Variants in SPATA6 observed in about 807,000 individuals in gnomAD.
The protein encoded by SPATA6 is spermatogenesis-associated protein 6.
SPATA6 carries 56 observed loss-of-function variants against 65.3 expected under a neutral mutation model. The ratio of observed to expected loss-of-function variants is 0.86; its 90% CI spans 0.69 to 1.07. The LOEUF (loss-of-function observed/expected upper bound fraction) is 1.07, where lower values mean the gene tolerates loss of function less well. SPATA6 is among the 50% of genes least tolerant of loss of function. The pLI, the probability that SPATA6 is intolerant of heterozygous loss-of-function variation, is 0.00. For missense variants in SPATA6, 590 were observed against 594.8 expected (o/e 0.99, Z 0.08); for synonymous variants, 199 against 213.2 (o/e 0.93, Z 0.58).
the SPATA6 span, among the ~76,000 whole-genome samples, chr1:48,286,668 G>T: frequency 6.6e-6 from 1 of 152,026 alleles, no homozygotes; most frequent in Non-Finnish European, 1.5e-5. Flanking sequence ...TTCTGGCTAG[G>T]TAATATAGTT....
At chr1:48,283,718 A>AAAGAAAGAAAGAAAGAAAGAAAGAAAGG in the SPATA6 span, among the ~76,000 whole-genome samples, 5 of 137,970 alleles carry the variant, frequency 3.6e-5, no homozygotes, top group African/African-American at 1.6e-4. Context: ...AGAAAGAAAG[A>AAAGAAAGAAAGAAAGAAAGAAAGAAAGG]AAGAAAATTC....
chr1:48,401,274 A>G (rs1651133671), intron 6 of SPATA6, among the ~76,000 whole-genome samples: 1 of 152,084 alleles, frequency 6.6e-6, no homozygotes, highest in African/African-American at 2.4e-5. Context: ...GCAATGCTGT[A>G]AAGTTCTTTC....
Position 48,315,160 on chromosome 1 carries a change from C to G in SPATA6, c.1195-9282G>C, listed in dbSNP as rs992187845. 6.6e-5 allele frequency among the ~76,000 whole-genome samples: 10 copies of G among 152,102 alleles called. No individual in the cohort carries two copies. In the East Asian group the frequency reaches 1.9e-3, roughly 29 times the overall value. ...CCTTCTGAAACTATTCCAATCAACA[C>G]AAAAAGAGGGAATCCTCCCTAACTC... On this transcript the variant is annotated intron_variant, in intron 11 of 12. Coordinates refer to ENST00000371847, the MANE Select transcript of SPATA6 (RefSeq NM_019073.4).
chr1:48,465,707 G>A (rs1017290199), intron 1 of SPATA6, among the ~76,000 whole-genome samples: 4 of 152,086 alleles, frequency 2.6e-5, no homozygotes, highest in African/African-American at 9.7e-5. Flanking sequence ...TTTCAAACGT[G>A]AGATGATAAA....
intron 1 of SPATA6, among the ~76,000 whole-genome samples, chr1:48,466,284 G>A (rs961561083): frequency 2.0e-5 from 3 of 152,054 alleles, no homozygotes; most frequent in African/African-American, 7.2e-5. Flanking sequence ...TGAAGGAAAT[G>A]AACTAGACCT....
the SPATA6 span, among the ~76,000 whole-genome samples, chr1:48,288,101 T>A: frequency 6.6e-6 from 1 of 152,224 alleles, no homozygotes; most frequent in Non-Finnish European, 1.5e-5. Context: ...GTATCTCACA[T>A]TGATTTATTT....
At chr1:48,346,601 A>G (rs1192943097) in intron 11 of SPATA6, among the ~76,000 whole-genome samples, 1 of 152,090 alleles carries the variant, frequency 6.6e-6, no homozygotes, top group African/African-American at 2.4e-5. Flanking sequence ...AAGCTGAAAA[A>G]TAACTTGAGC....
chr1:48,340,984 T>C (rs903509526), intron 11 of SPATA6, among the ~76,000 whole-genome samples: 1 of 152,138 alleles, frequency 6.6e-6, no homozygotes, highest in Admixed American at 6.6e-5. Context: ...ATGTATCCAA[T>C]AACACACTTT....
chr1:48,429,084 A>G lies in SPATA6; in HGVS notation c.239-15933T>C, dbSNP rs1032728222. ...TCAAACTCCAACCCACTGCAGGCAGATAAGTACTTTTTTTAGGAGCAACCT... is the reference window on the plus strand; with the variant it reads ...TCAAACTCCAACCCACTGCAGGCAGGTAAGTACTTTTTTTAGGAGCAACCT... On this transcript the variant is annotated intron_variant, in intron 3 of 12. Transcript: ENST00000371847. Among the ~76,000 whole-genome samples, 8 of 151,998 alleles carry G rather than the reference A, an allele frequency of 5.3e-5. No individual in the cohort carries two copies. In the East Asian group the frequency reaches 5.8e-4, roughly 11 times the overall value.
At chr1:48,326,624 A>G (rs1248815167) in intron 11 of SPATA6, among the ~76,000 whole-genome samples, 1 of 152,126 alleles carries the variant, frequency 6.6e-6, no homozygotes, top group Admixed American at 6.6e-5. Flanking sequence ...ATATTACAAA[A>G]CTATAGTAAC....
chr1:48,388,507 T>G (rs1464333309), intron 8 of SPATA6, among the ~76,000 whole-genome samples: 3 of 152,000 alleles, frequency 2.0e-5, no homozygotes, highest in African/African-American at 4.8e-5. Context: ...AACAAAGTCA[T>G]GAAATCTCAG....
intron 1 of SPATA6, among the ~76,000 whole-genome samples, chr1:48,456,892 AAATAAATAG>A (rs759931472): frequency 7.2e-4 from 110 of 152,284 alleles, no homozygotes; most frequent in Non-Finnish European, 1.3e-3. Flanking sequence ...AAGCACAGTA[AAATAAATAG>A]AATGAGAGCC....
intron 11 of SPATA6, among the ~76,000 whole-genome samples, chr1:48,309,251 TTAATGG>T (rs774201495): frequency 2.0e-4 from 31 of 152,178 alleles, no homozygotes; most frequent in Non-Finnish European, 3.4e-4. Context: ...GTTGGCATGC[TTAATGG>T]TATCCCACAA....
intron 11 of SPATA6, among the ~76,000 whole-genome samples, chr1:48,320,297 A>C (rs151105228): frequency 7.4e-4 from 112 of 152,346 alleles, no homozygotes; most frequent in African/African-American, 2.6e-3. Flanking sequence ...CCCAACTAAG[A>C]CTACCTCAAG....
chr1:48,360,072 G>T (rs986316104), intron 9 of SPATA6, among the ~76,000 whole-genome samples: 1 of 152,032 alleles, frequency 6.6e-6, no homozygotes, highest in African/African-American at 2.4e-5. Flanking sequence ...CTAAAACAAA[G>T]AATACATCCA....
intron 3 of SPATA6, among the ~76,000 whole-genome samples, chr1:48,413,899 A>G (rs1309920342): frequency 6.6e-6 from 1 of 152,248 alleles, no homozygotes; most frequent in Non-Finnish European, 1.5e-5. Context: ...AATCCTAAGG[A>G]TGAGAAAACA....
At position 48,298,725 on chromosome 1, in the gene SPATA6, C is replaced by T. The variant is rs1413399449; in HGVS notation, c.1455G>A (p.Gln485=). The T allele has an allele frequency of 7.4e-6, 12 of 1,611,872 alleles. No homozygotes were observed. Among genetic ancestry groups the T allele is most frequent in the Admixed American group, 1.7e-5 (1 of 59,650 alleles). ...KKACSSASHT[Q]ESF is the part of the protein sequence containing the mutation. ...ATCATGGATGGTCTCAGAAGCTTTC[C>T]TGTGTATGTGAAGCAGAACTACAGG... Residue 485 remains glutamine (Q), a synonymous_variant, in exon 13 of 13, where the codon CAG becomes CAA. Transcript: ENST00000371847.
At position 48,359,753 on chromosome 1, in the gene SPATA6, A is replaced by G. The variant is rs553546341; in HGVS notation, c.927T>C (p.His309=). 8.6e-5 allele frequency: 139 copies of G among 1,612,048 alleles called. No homozygotes were observed. Among genetic ancestry groups the G allele is most frequent in the Admixed American group, 3.8e-4 (23 of 59,762 alleles). The stretch of plus-strand genomic sequence containing the variant: ...CTAAAGAGTCATCGAAGTCTCTCCC[A>G]TGGGGTGTCCTGATAACCTGTTTTA... ...PKDYKVIRTP[H]GRDFDDSLEK... The change falls in exon 10 of 13, where the codon CAT becomes CAC. Residue 309 remains histidine, a synonymous_variant. Coordinates refer to ENST00000371847, the MANE Select transcript of SPATA6 (RefSeq NM_019073.4).
chr1:48,318,089 C>A (rs149973977), intron 11 of SPATA6, among the ~76,000 whole-genome samples: 1 of 152,086 alleles, frequency 6.6e-6, no homozygotes, highest in Non-Finnish European at 1.5e-5. Flanking sequence ...AAGCATTTGA[C>A]AAATACCAAG....
Sources: gnomAD v4.1 joint callset for allele counts (sites outside exome capture counted in the v4.1 genomes callset) on GRCh38, gnomAD v4.1.1 for gene constraint, MANE v1.5 for transcripts, NCBI Gene and HGNC (gene_info 2026-07-23, HGNC 2026-07-21) for gene names.